LRMDA: variants seen among roughly 807,000 people sequenced by gnomAD.
LRMDA encodes leucine rich melanocyte differentiation associated.
A neutral mutation model predicts 29.8 loss-of-function variants in LRMDA; 18 were observed. The ratio of observed to expected loss-of-function variants is 0.60; its 90% CI spans 0.42 to 0.90. The LOEUF is 0.90. Ranked by LOEUF, LRMDA falls within the 40% of genes least tolerant of loss-of-function variation. LRMDA has a pLI of 0.00. For missense variants in LRMDA, 273 were observed against 273.9 expected (o/e 1.00, Z 0.02); for synonymous variants, 125 against 109.4 (o/e 1.14, Z -0.89).
intron 2 of LRMDA, among the ~76,000 whole-genome samples, chr10:76,009,681 G>A (rs1465298084): frequency 6.6e-6 from 1 of 152,182 alleles, no homozygotes. Flanking sequence ...TTTTATGTGT[G>A]TCTCTTTGTG....
intron 2 of LRMDA, among the ~76,000 whole-genome samples, chr10:75,561,383 C>T (rs1355655701): frequency 3.4e-5 from 5 of 148,934 alleles, no homozygotes; most frequent in South Asian, 4.5e-4. Flanking sequence ...TGGTGATATC[C>T]CCTTTATCAT....
chr10:76,530,058 A>T (rs1780748500), intron 6 of LRMDA, among the ~76,000 whole-genome samples: 1 of 152,144 alleles, frequency 6.6e-6, no homozygotes, highest in Non-Finnish European at 1.5e-5. Context: ...CTCTTAGCCC[A>T]CTAATAGCAG....
At chr10:76,363,318 A>G (rs1270550549) in intron 6 of LRMDA, among the ~76,000 whole-genome samples, 10 of 151,232 alleles carry the variant, frequency 6.6e-5, no homozygotes, top group African/African-American at 9.8e-5. Flanking sequence ...GGAGGAAGGA[A>G]AAAGAAAAGA....
intron 6 of LRMDA, among the ~76,000 whole-genome samples, chr10:76,512,874 C>T (rs1843022713): frequency 6.6e-6 from 1 of 151,964 alleles, no homozygotes; most frequent in South Asian, 2.1e-4. Flanking sequence ...TTTTTTTAAG[C>T]TGATTTTCAA....
At chr10:75,707,212 G>A (rs549276915) in intron 2 of LRMDA, among the ~76,000 whole-genome samples, 1 of 152,294 alleles carries the variant, frequency 6.6e-6, no homozygotes, top group South Asian at 2.1e-4. Context: ...ATCTCCCTCT[G>A]TGTTTTCCAA....
intron 2 of LRMDA, among the ~76,000 whole-genome samples, chr10:75,608,100 T>G (rs1295289612): frequency 1.5e-5 from 1 of 66,228 alleles, no homozygotes; most frequent in Admixed American, 1.8e-4. Context: ...GATCAAAAAT[T>G]GTAGTGTGTG....
intron 2 of LRMDA, among the ~76,000 whole-genome samples, chr10:75,857,725 C>T (rs996959087): frequency 1.3e-5 from 2 of 152,122 alleles, no homozygotes; most frequent in Non-Finnish European, 2.9e-5. Context: ...AGATGCAGGG[C>T]AAATCATGTT....
intron 6 of LRMDA, among the ~76,000 whole-genome samples, chr10:76,363,271 G>GA (rs1482264660): frequency 0.026 from 977 of 37,390 alleles, 129 homozygotes; most frequent in Middle Eastern, 0.11. Context: ...AGGAAGGAAG[G>GA]AAGGAAAGGA....
intron 4 of LRMDA, among the ~76,000 whole-genome samples, chr10:76,052,063 G>A (rs566079913): frequency 2.0e-5 from 3 of 152,118 alleles, no homozygotes; most frequent in African/African-American, 7.2e-5. Context: ...TTTTGTTGAC[G>A]GACTCATCTA....
chr10:75,890,303 G>A (rs1277121012), intron 2 of LRMDA, among the ~76,000 whole-genome samples: 1 of 152,142 alleles, frequency 6.6e-6, no homozygotes, highest in Non-Finnish European at 1.5e-5. Flanking sequence ...GCAGTCATTT[G>A]AATTCTCTCT....
intron 2 of LRMDA, among the ~76,000 whole-genome samples, chr10:75,475,270 C>T (rs1844775771): frequency 6.6e-6 from 1 of 152,166 alleles, no homozygotes; most frequent in Non-Finnish European, 1.5e-5. Flanking sequence ...GATGGTCCTC[C>T]TGTGAGGCCT....
At chr10:75,672,947 C>A (rs1841917808) in intron 2 of LRMDA, among the ~76,000 whole-genome samples, 1 of 147,202 alleles carries the variant, frequency 6.8e-6, no homozygotes, top group South Asian at 2.1e-4. Flanking sequence ...ATGTGATAAT[C>A]CAAACTGTTT....
chr10:75,824,382 G>C (rs1401302552), intron 2 of LRMDA, among the ~76,000 whole-genome samples: 2 of 152,186 alleles, frequency 1.3e-5, no homozygotes, highest in African/African-American at 4.8e-5. Context: ...ACTTGTTTAT[G>C]TATTGCACAT....
At chr10:75,568,975 A>T (rs1469389992) in intron 2 of LRMDA, among the ~76,000 whole-genome samples, 1 of 152,108 alleles carries the variant, frequency 6.6e-6, no homozygotes, top group Non-Finnish European at 1.5e-5. Flanking sequence ...ACCCCTTCAT[A>T]AATATCTGTG....
intron 2 of LRMDA, among the ~76,000 whole-genome samples, chr10:75,698,513 AC>A (rs1842266378): frequency 6.6e-6 from 1 of 152,160 alleles, no homozygotes; most frequent in Admixed American, 6.5e-5. Flanking sequence ...TGGTGCCCTC[AC>A]TTGGTGCAGG....
At position 75,627,705 on chromosome 10, in the gene LRMDA, C is replaced by A. The variant is rs370865327; in HGVS notation, c.131+189211C>A. On this transcript the variant is annotated intron_variant, in intron 2 of 6. Transcript: ENST00000611255. ...CACTACCAACAGAAATCTACCTCTA[C>A]CACAGGAGAAGAAAATCGCCATCTC... is the stretch of plus-strand genomic sequence containing the variant. Among the ~76,000 whole-genome samples the A allele has an allele frequency of 8.4e-4, 128 of 152,286 alleles. 3 individuals carry two copies. In the South Asian group the frequency reaches 0.026, roughly 31 times the overall value.
chr10:75,597,827 C>A (rs770616976), intron 2 of LRMDA, among the ~76,000 whole-genome samples: 1 of 152,056 alleles, frequency 6.6e-6, no homozygotes, highest in South Asian at 2.1e-4. Flanking sequence ...TGGGCCTGGG[C>A]GCTTTTATGT....
At chr10:76,045,944 A>C (rs1261250803) in intron 3 of LRMDA, among the ~76,000 whole-genome samples, 1 of 152,266 alleles carries the variant, frequency 6.6e-6, no homozygotes, top group Non-Finnish European at 1.5e-5. Flanking sequence ...GTTAGATAAC[A>C]TCCTCACAGA....
chr10:76,296,802 T>A (rs535796655), intron 5 of LRMDA, among the ~76,000 whole-genome samples: 17 of 152,294 alleles, frequency 1.1e-4, no homozygotes, highest in Admixed American at 8.5e-4. Flanking sequence ...CAGAGTATAG[T>A]TTTTCTTGTT....
Sources: allele counts gnomAD v4.1 joint callset (sites outside exome capture counted in the v4.1 genomes callset), GRCh38; gene constraint gnomAD v4.1.1; transcripts MANE v1.5; gene names NCBI Gene and HGNC (gene_info 2026-07-23, HGNC 2026-07-21).